Variants in SBDS observed in about 807,000 individuals in gnomAD.
SBDS encodes the protein ribosome maturation protein SBDS.
SBDS carries 20 observed loss-of-function variants against 26.4 expected under a neutral mutation model. The observed-to-expected ratio is 0.76, with a 90% confidence interval of 0.53 to 1.10. The LOEUF is 1.10. Ranked by LOEUF, SBDS falls within the 50% of genes least tolerant of loss-of-function variation. The pLI is 0.00. For synonymous variants in SBDS, 95 were observed against 105.1 expected (o/e 0.90, Z 0.59); for missense variants, 241 against 302.0 (o/e 0.80, Z 1.50).
chr7:66,994,651 C>T (rs2129232654), intron 1 of SBDS, among the ~76,000 whole-genome samples: 1 of 152,328 alleles, frequency 6.6e-6, no homozygotes. Flanking sequence ...TGCGCCACCA[C>T]ACCCGGCTAA....
At chr7:66,988,797 T>A (rs889030744) in intron 4 of SBDS, among the ~76,000 whole-genome samples, 1 of 152,206 alleles carries the variant, frequency 6.6e-6, no homozygotes, top group Admixed American at 6.5e-5. Context: ...ATTCTTCTCA[T>A]ACTAAAATTT....
intron 4 of SBDS, among the ~76,000 whole-genome samples, chr7:66,989,768 C>G (rs188476985): frequency 1.8e-4 from 27 of 152,254 alleles, no homozygotes; most frequent in Non-Finnish European, 2.9e-4. Context: ...AATGCTTTAT[C>G]AGGCTTCTAG....
rs1366865057 is a variant in SBDS, at chr7:66,991,294, T to C, written c.467A>G (p.Glu156Gly). The change falls in exon 4 of 5, where the codon GAA becomes GGA. Residue 156 changes from glutamate (E) to glycine (G), a missense_variant. Physicochemically the swap from Glu to Gly is moderately conservative, Grantham distance 98. Coordinates refer to ENST00000246868, the MANE Select transcript of SBDS (RefSeq NM_016038.4). Reference sequence around the variant, plus strand: ...TTTCTCTTTTAACTGCTTTATCACTTCCAAAGCCTACCAAGACAAAATCGA... The same window carrying C: ...TTTCTCTTTTAACTGCTTTATCACTCCCAAAGCCTACCAAGACAAAATCGA... ...TNKSTKQQALEVIKQLKEKMK... is the reference protein window; with the variant it reads ...TNKSTKQQALGVIKQLKEKMK... The C allele has an allele frequency of 6.2e-7, 1 of 1,610,292 alleles. No individual in the cohort carries two copies. The highest frequency in any genetic ancestry group is 1.3e-5 in the African/African-American group (1 of 74,806).
At chr7:66,990,020 CTTTT>C (rs71293171) in intron 4 of SBDS, among the ~76,000 whole-genome samples, 1 of 141,392 alleles carries the variant, frequency 7.1e-6, no homozygotes. Flanking sequence ...AGAATTCAAT[CTTTT>C]TTTTTTTTTT....
In SBDS at chr7:66,991,793, A is replaced by C. The variant is rs755918982; in HGVS notation, c.460-492T>G. Among the ~76,000 whole-genome samples the C allele has an allele frequency of 1.1e-3, 169 of 152,298 alleles. 2 individuals carry two copies. The highest frequency in any genetic ancestry group is 6.8e-3 in the Middle Eastern group (2 of 294). ...AACCTGAACAGAGATTTCTCAAAAG[A>C]AGACAGACGAGGCACCAATAAGCAC... On this transcript the variant is annotated intron_variant, in intron 3 of 4. Transcript: ENST00000246868.
At chr7:66,992,306 G>A (rs1420113431) in intron 3 of SBDS, among the ~76,000 whole-genome samples, 1 of 152,092 alleles carries the variant, frequency 6.6e-6, no homozygotes, top group Non-Finnish European at 1.5e-5. Context: ...TAGTGGTTGG[G>A]AGGGGCCTGT....
rs182235808 is a variant in SBDS, at chr7:66,988,651, C to G, written c.625-152G>C. 666 of 945,578 alleles carry G rather than the reference C, an allele frequency of 7.0e-4. 6 individuals are homozygous for G. Among genetic ancestry groups the G allele is most frequent in the East Asian group, 1.9e-3 (73 of 37,756 alleles). The allele number at this position is 945,578 out of a possible 1,614,324, so 58.6% of individuals were successfully genotyped here. ...GCAATAGATAAGACAATGGGTAGGG[C>G]GGCACACTGGGTTCCAGTTTAGCCT... On this transcript the variant is annotated intron_variant, in intron 4 of 4. Coordinates refer to ENST00000246868, the MANE Select transcript of SBDS (RefSeq NM_016038.4).
Position 66,995,580 on chromosome 7 carries a change from T to A in SBDS, c.-163A>T. ...CACTAGCTTCAGGCAGCCGTCACAG[T>A]GTGTCTGGCAGGCTTACTTACTGCG... On this transcript the variant is annotated 5_prime_UTR_variant, in exon 1 of 5. Coordinates refer to ENST00000246868, the MANE Select transcript of SBDS (RefSeq NM_016038.4). The A allele has an allele frequency of 9.8e-7, 1 of 1,020,602 alleles. No homozygotes were observed. The highest frequency in any genetic ancestry group is 1.5e-6 in the Non-Finnish European group (1 of 687,276). The allele number at this position is 1,020,602 out of a possible 1,614,324, so 63.2% of individuals were successfully genotyped here. A position where few individuals can be genotyped will look rare whatever the true frequency, so the allele number is the denominator to read the frequency against.
chr7:66,995,076 C>CAACA, intron 1 of SBDS: 2 of 634,048 alleles, frequency 3.2e-6, no homozygotes, highest in Non-Finnish European at 2.7e-6. Context: ...AACCCCAAAC[C>CAACA]AACAACCCAA....
In SBDS at chr7:66,995,289, C is replaced by G; in HGVS notation, c.128+1G>C. On this transcript the variant is annotated splice_donor_variant, in intron 1 of 4. Coordinates refer to ENST00000246868, the MANE Select transcript of SBDS (RefSeq NM_016038.4). LOFTEE classifies it high-confidence loss of function. ...CAGGCCCGAGGGAGGGGGCTACTCA[C>G]ACGCCGCTCCGCCAGCCGACGACCT... 2 of 1,613,752 alleles carry G rather than the reference C, an allele frequency of 1.2e-6. No homozygotes were observed. Among genetic ancestry groups the G allele is most frequent in the Non-Finnish European group, 1.7e-6 (2 of 1,179,982 alleles).
At chr7:66,994,420 C>A in intron 1 of SBDS, 79 bp from the exon 2 acceptor site, 2 of 1,258,282 alleles carry the variant, frequency 1.6e-6, no homozygotes, top group Non-Finnish European at 2.3e-6. Flanking sequence ...TACGAGATGG[C>A]AACAACATGA....
intron 4 of SBDS, among the ~76,000 whole-genome samples, chr7:66,990,289 A>G (rs1248251972): frequency 6.6e-6 from 1 of 152,204 alleles, no homozygotes; most frequent in African/African-American, 2.4e-5. Flanking sequence ...AAGTGCTGGG[A>G]TTACAGGCAT....
chr7:66,993,663 C>G (rs183675560), intron 2 of SBDS, among the ~76,000 whole-genome samples: 65 of 152,224 alleles, frequency 4.3e-4, no homozygotes, highest in Non-Finnish European at 7.1e-4. Context: ...CACCCAAGGT[C>G]AGGAGTTTGA....
At chr7:66,990,949 G>A (rs912660650) in intron 4 of SBDS, 188 bp downstream of exon 4, 51 of 500,618 alleles carry the variant, frequency 1.0e-4, no homozygotes, top group South Asian at 3.6e-4. Context: ...CCCGGGAGGC[G>A]GAGCTTGCAG....
At position 66,995,517 on chromosome 7, in the gene SBDS, C is replaced by T. The variant is rs1281777494; in HGVS notation, c.-100G>A. The T allele has an allele frequency of 6.4e-7, 1 of 1,564,468 alleles. No homozygotes were observed. Among genetic ancestry groups the T allele is most frequent in the African/African-American group, 1.4e-5 (1 of 73,968 alleles). ...CTCGCGGTAACGACCGATCGGCGCG[C>T]GGCACTGACCCAACCACCAGTGCGC... On this transcript the variant is annotated 5_prime_UTR_variant, in exon 1 of 5. Transcript: ENST00000246868.
In SBDS at chr7:66,988,416, T is replaced by C. The variant is rs772953899; in HGVS notation, c.708A>G (p.Val236=). 21 of 1,613,740 alleles carry C rather than the reference T, an allele frequency of 1.3e-5. No individual in the cohort carries two copies. Among genetic ancestry groups the C allele is most frequent in the South Asian group, 3.3e-5 (3 of 91,088 alleles). The stretch of plus-strand genomic sequence containing the variant: ...CTTCTTCTACATCTTTCAGATTGAG[T>C]ACTTCCAAAGAACCTTTGCCTTTAG... ...KETKGKGSLE[V]LNLKDVEEGD... Residue 236 remains valine (V), a synonymous_variant, in exon 5 of 5, where the codon GTA becomes GTG. Transcript: ENST00000246868.
At chr7:66,995,145 C>T (rs1584438505) in intron 1 of SBDS, 145 bp downstream of exon 1, 3 of 1,130,150 alleles carry the variant, frequency 2.7e-6, no homozygotes, top group Non-Finnish European at 3.9e-6. Flanking sequence ...CGGACAGCGA[C>T]GTCTCATGCT....
rs552653319 is a variant in SBDS at position 66,990,252 on chromosome 7, A to T, written c.624+885T>A. Among the ~76,000 whole-genome samples the T allele has an allele frequency of 2.5e-3, 379 of 152,312 alleles. 4 individuals are homozygous for T. Among genetic ancestry groups the T allele is most frequent in the Non-Finnish European group, 3.8e-3 (261 of 68,026 alleles). ...AGACTGGTCTCGAACTCCCGACCTC[A>T]GGTGATCCACCTGCCTTGGCCTCCC... On this transcript the variant is annotated intron_variant, in intron 4 of 4. Coordinates refer to ENST00000246868, the MANE Select transcript of SBDS (RefSeq NM_016038.4).
At chr7:66,992,429 T>A (rs1387882547) in intron 3 of SBDS, among the ~76,000 whole-genome samples, 5 of 152,146 alleles carry the variant, frequency 3.3e-5, no homozygotes, top group Admixed American at 6.6e-5. Context: ...AATATACCAC[T>A]TAAAGTGTAC....
Sources: gnomAD v4.1 joint callset for allele counts (sites outside exome capture counted in the v4.1 genomes callset) on GRCh38, gnomAD v4.1.1 for gene constraint, MANE v1.5 for transcripts, NCBI Gene and HGNC (gene_info 2026-07-23, HGNC 2026-07-21) for gene names.